The following VPS13B variants were observed in gnomAD, a reference collection of about 807,000 sequenced individuals.
VPS13B encodes the protein intermembrane lipid transfer protein VPS13B.
Under a neutral mutation model 426.4 loss-of-function variants are expected in VPS13B, and 285 were observed. The observed-to-expected ratio is 0.67, with a 90% CI of 0.61 to 0.74. The LOEUF is 0.74. VPS13B is among the 30% of genes least tolerant of loss of function. The probability of loss-of-function intolerance (pLI) is 0.00; values close to 1 mark genes in which losing one functional copy is unlikely to be tolerated. For synonymous variants in VPS13B, 1,676 were observed against 1,676.4 expected, an observed-to-expected ratio of 1.00 and a Z score of 0.01; for missense variants, 4,537 against 4,782.6, an observed-to-expected ratio of 0.95 and a Z score of 1.51.
Position 99,624,005 on chromosome 8 carries a change from A to ATT in VPS13B, c.5221-17805_5221-17804insTT, listed in dbSNP as rs1255799704. Among the ~76,000 whole-genome samples the ATT allele has an allele frequency of 1.4e-3, 117 of 83,754 alleles. 1 individual carries two copies. The highest frequency in any genetic ancestry group is 6.0e-3 in the Middle Eastern group (1 of 168). 54.9% of individuals were successfully genotyped at this position (83,754 alleles called of 152,430 possible). ...GTCTATGAAACATACATATATATAT[A>ATT]TATTTTTTTTTTTTTTTTTTTTTTT... On this transcript the variant is annotated intron_variant, in intron 33 of 61. Coordinates refer to ENST00000357162, the MANE Select transcript of VPS13B (RefSeq NM_152564.5).
At chr8:99,481,402 T>C (rs1409283859) in intron 24 of VPS13B, among the ~76,000 whole-genome samples, 197 bp from the exon 25 acceptor site, 1 of 152,216 alleles carries the variant, frequency 6.6e-6, no homozygotes, top group African/African-American at 2.4e-5. Context: ...ACAGGAATGC[T>C]AGGTTGATGA....
chr8:99,329,949 G>C (rs1451815842), intron 19 of VPS13B, among the ~76,000 whole-genome samples: 1 of 151,890 alleles, frequency 6.6e-6, no homozygotes, highest in Non-Finnish European at 1.5e-5. Flanking sequence ...CTTCCCACTA[G>C]ATACCAGTGG....
intron 22 of VPS13B, among the ~76,000 whole-genome samples, chr8:99,434,498 A>G (rs1817274813): frequency 6.6e-6 from 1 of 152,218 alleles, no homozygotes; most frequent in African/African-American, 2.4e-5. Flanking sequence ...TATATAGCAT[A>G]GAAAATTAAT....
intron 19 of VPS13B, among the ~76,000 whole-genome samples, chr8:99,309,408 A>T (rs548780103): frequency 1.3e-5 from 2 of 152,208 alleles, no homozygotes; most frequent in Non-Finnish European, 2.9e-5. Context: ...ATGGCTAGCC[A>T]GTTTTCCCAC....
chr8:99,015,525 A>G (rs1275217420), intron 2 of VPS13B, among the ~76,000 whole-genome samples: 2 of 151,082 alleles, frequency 1.3e-5, no homozygotes, highest in African/African-American at 4.9e-5. Flanking sequence ...CAACAGCTCA[A>G]TTTTAAAATG....
intron 17 of VPS13B, among the ~76,000 whole-genome samples, chr8:99,222,309 A>G (rs151293707): frequency 3.1e-4 from 47 of 152,234 alleles, no homozygotes; most frequent in African/African-American, 1.1e-3. Flanking sequence ...CACCCCCAAT[A>G]TTGGCATTTA....
chr8:99,073,241 G>A (rs1470879801), intron 3 of VPS13B, among the ~76,000 whole-genome samples: 1 of 152,016 alleles, frequency 6.6e-6, no homozygotes, highest in Non-Finnish European at 1.5e-5. Flanking sequence ...TTAATTTTAG[G>A]GCTGTCTTTT....
intron 3 of VPS13B, among the ~76,000 whole-genome samples, chr8:99,091,390 G>A (rs1846137641): frequency 6.6e-6 from 1 of 152,108 alleles, no homozygotes; most frequent in African/African-American, 2.4e-5. Flanking sequence ...ATACAAGGGA[G>A]GGTCATTTCT....
chr8:99,051,709 G>A (rs1324842501), intron 3 of VPS13B, among the ~76,000 whole-genome samples: 2 of 152,116 alleles, frequency 1.3e-5, no homozygotes, highest in African/African-American at 4.8e-5. Context: ...ATTTCATTGA[G>A]CAGTGGTTTA....
rs1185191162 is a variant in VPS13B, at chr8:99,213,828, T to A, written c.2515+20771T>A. 3.3e-5 allele frequency among the ~76,000 whole-genome samples: 5 copies of A among 152,054 alleles called. No individual in the cohort carries two copies. In the South Asian group the frequency reaches 1.0e-3, roughly 32 times the overall value. ...TTTCAGTTGCTGGATGCCTTTTTTT[T>A]TTTTTTTGGCTGGGCCACATTCCCT... On this transcript the variant is annotated intron_variant, in intron 17 of 61. Coordinates refer to ENST00000357162, the MANE Select transcript of VPS13B (RefSeq NM_152564.5).
chr8:99,366,519 G>GT (rs1188797281), intron 19 of VPS13B, among the ~76,000 whole-genome samples: 145 of 131,926 alleles, frequency 1.1e-3, no homozygotes, highest in East Asian at 7.4e-3. Flanking sequence ...ATTGGGTCTT[G>GT]TTTTTTTTTG....
chr8:99,251,216 G>C (rs921139026), intron 17 of VPS13B, among the ~76,000 whole-genome samples: 4 of 152,176 alleles, frequency 2.6e-5, no homozygotes, highest in African/African-American at 9.7e-5. Context: ...AATAACAGCA[G>C]TGACAGCCAA....
At chr8:99,575,086 C>T (rs952976952) in intron 31 of VPS13B, among the ~76,000 whole-genome samples, 6 of 151,892 alleles carry the variant, frequency 4.0e-5, no homozygotes, top group Non-Finnish European at 8.8e-5. Flanking sequence ...GGATCACTTG[C>T]GCCCAGGAGA....
chr8:99,646,647 C>G (rs1412405125), intron 34 of VPS13B, among the ~76,000 whole-genome samples: 1 of 152,144 alleles, frequency 6.6e-6, no homozygotes, highest in African/African-American at 2.4e-5. Flanking sequence ...CAAATCTCAT[C>G]TTGAAATGTG....
At chr8:99,266,235 A>G (rs889316285) in intron 17 of VPS13B, among the ~76,000 whole-genome samples, 1 of 151,926 alleles carries the variant, frequency 6.6e-6, no homozygotes, top group Non-Finnish European at 1.5e-5. Context: ...CCTGGGCACC[A>G]TAGTGAGACC....
intron 23 of VPS13B, among the ~76,000 whole-genome samples, chr8:99,451,558 G>A (rs776786797): frequency 7.9e-5 from 12 of 152,182 alleles, no homozygotes; most frequent in Non-Finnish European, 1.8e-4. Flanking sequence ...ACTTTGAACA[G>A]TGTCTGGTAA....
chr8:99,209,565 A>G, intron 17 of VPS13B: 1 of 266,994 alleles, frequency 3.7e-6, no homozygotes, highest in Non-Finnish European at 7.3e-6. Flanking sequence ...TTTTAATAAC[A>G]ATTTTTTTTT....
intron 39 of VPS13B, among the ~76,000 whole-genome samples, chr8:99,742,844 C>G (rs1372754199): frequency 1.3e-5 from 2 of 152,088 alleles, no homozygotes; most frequent in Admixed American, 6.5e-5. Flanking sequence ...TAAGAGCTAT[C>G]TATGACAAAC....
At chr8:99,227,925 C>T (rs1226833227) in intron 17 of VPS13B, among the ~76,000 whole-genome samples, 1 of 152,150 alleles carries the variant, frequency 6.6e-6, no homozygotes. Context: ...GACCCAGACT[C>T]TGGGGGCTTA....
Sources: gnomAD v4.1 joint callset for allele counts (sites outside exome capture counted in the v4.1 genomes callset) on GRCh38, gnomAD v4.1.1 for gene constraint, MANE v1.5 for transcripts, NCBI Gene and HGNC (gene_info 2026-07-23, HGNC 2026-07-21) for gene names.